Variants in CNTN4 observed in about 807,000 individuals in gnomAD.
CNTN4 encodes the protein contactin 4, also known as contactin-4.
A neutral mutation model predicts 122.5 loss-of-function variants in CNTN4; 77 were observed. That is an observed-to-expected ratio of 0.63 (90% CI 0.52 to 0.76). CNTN4 has a LOEUF of 0.76. CNTN4 is among the 30% of genes least tolerant of loss of function. The pLI, the probability that CNTN4 is intolerant of heterozygous loss-of-function variation, is 0.00. For missense variants in CNTN4, 1,256 were observed against 1,259.1 expected, an observed-to-expected ratio of 1.00 and a Z score of 0.04; for synonymous variants, 512 against 447.0, an observed-to-expected ratio of 1.15 and a Z score of -1.83.
At chr3:3,032,215 T>C (rs942923137) in intron 16 of CNTN4, among the ~76,000 whole-genome samples, 1 of 152,214 alleles carries the variant, frequency 6.6e-6, no homozygotes, top group Non-Finnish European at 1.5e-5. Context: ...TTTATTTCCA[T>C]TTGAAAATAC....
chr3:2,720,391 G>A lies in CNTN4; in HGVS notation c.56-15824G>A, dbSNP rs1241334219. Among the ~76,000 whole-genome samples the A allele has an allele frequency of 2.0e-5, 3 of 152,112 alleles. 1 individual carries two copies. Among genetic ancestry groups the A allele is most frequent in the African/African-American group, 7.2e-5 (3 of 41,424 alleles). On this transcript the variant is annotated intron_variant, in intron 4 of 24. Coordinates refer to ENST00000418658, the MANE Select transcript of CNTN4 (RefSeq NM_175607.3). ...TTATAGTCTAAACTATTCTGAGCCT[G>A]AACATTGAGCATAACTCGTTCAGAG... is the stretch of plus-strand genomic sequence containing the variant.
intron 21 of CNTN4, chr3:3,042,732 A>G (rs1436767460): frequency 3.4e-6 from 2 of 591,116 alleles, no homozygotes; most frequent in African/African-American, 1.9e-5. Context: ...ATGGGAAAAA[A>G]GAAAATAATG....
chr3:2,117,332 A>G (rs533856906), intron 2 of CNTN4, among the ~76,000 whole-genome samples: 1 of 152,346 alleles, frequency 6.6e-6, no homozygotes, highest in African/African-American at 2.4e-5. Flanking sequence ...TATTGGGGAA[A>G]GGCCCCACAC....
At chr3:2,589,147 A>G (rs577943067) in intron 4 of CNTN4, among the ~76,000 whole-genome samples, 1 of 152,326 alleles carries the variant, frequency 6.6e-6, no homozygotes, top group East Asian at 1.9e-4. Flanking sequence ...GCCCTAGAAC[A>G]GCGATGGCCT....
chr3:2,367,896 T>C (rs994010077), intron 3 of CNTN4, among the ~76,000 whole-genome samples: 1 of 152,158 alleles, frequency 6.6e-6, no homozygotes, highest in Non-Finnish European at 1.5e-5. Flanking sequence ...TGTCATTAGA[T>C]TGGCCTCAGG....
chr3:2,386,823 G>A (rs1476963926), intron 3 of CNTN4, among the ~76,000 whole-genome samples: 3 of 152,128 alleles, frequency 2.0e-5, no homozygotes, highest in Non-Finnish European at 4.4e-5. Flanking sequence ...GATAAATTGA[G>A]AAATGCAAAA....
At chr3:2,650,707 C>T (rs980747625) in intron 4 of CNTN4, among the ~76,000 whole-genome samples, 1 of 152,204 alleles carries the variant, frequency 6.6e-6, no homozygotes, top group African/African-American at 2.4e-5. Flanking sequence ...TAACAACTTG[C>T]TGAAGGCTCA....
chr3:2,600,637 T>C (rs187974349), intron 4 of CNTN4, among the ~76,000 whole-genome samples: 2,333 of 152,314 alleles, frequency 0.015, 29 homozygotes, highest in Middle Eastern at 0.051. Context: ...TCTTTGCTAT[T>C]GTGAATAGTG....
chr3:2,617,112 A>C (rs2081783771), intron 4 of CNTN4, among the ~76,000 whole-genome samples: 2 of 152,214 alleles, frequency 1.3e-5, no homozygotes, highest in South Asian at 4.1e-4. Context: ...TGCCAAAAGC[A>C]ACGGCAACAA....
chr3:2,330,008 C>T (rs768341525), intron 2 of CNTN4, among the ~76,000 whole-genome samples: 2 of 152,134 alleles, frequency 1.3e-5, no homozygotes, highest in Non-Finnish European at 2.9e-5. Context: ...ATGTTAAGAG[C>T]TCGGTCCCAC....
chr3:2,494,727 T>C (rs2076409208), intron 3 of CNTN4, among the ~76,000 whole-genome samples: 1 of 152,170 alleles, frequency 6.6e-6, no homozygotes, highest in South Asian at 2.1e-4. Flanking sequence ...GTAAAATACT[T>C]TGATTTCTTT....
chr3:2,275,938 C>A (rs73008822), intron 2 of CNTN4, among the ~76,000 whole-genome samples: 3,418 of 137,648 alleles, frequency 0.025, 152 homozygotes, highest in African/African-American at 0.088. Context: ...AAAAAAAAAA[C>A]AAAAAAAAAT....
chr3:2,830,367 CCAAACA>C (rs1439764739), intron 7 of CNTN4, among the ~76,000 whole-genome samples: 1 of 152,142 alleles, frequency 6.6e-6, no homozygotes, highest in African/African-American at 2.4e-5. Flanking sequence ...AGAGTAAGGG[CCAAACA>C]CATTAGTACC....
chr3:2,391,644 A>G (rs949621476), intron 3 of CNTN4, among the ~76,000 whole-genome samples: 1 of 152,202 alleles, frequency 6.6e-6, no homozygotes, highest in African/African-American at 2.4e-5. Context: ...GTTTATATGT[A>G]ATGCCAAGTT....
chr3:2,427,541 A>T (rs1254494776), intron 3 of CNTN4, among the ~76,000 whole-genome samples: 1 of 152,156 alleles, frequency 6.6e-6, no homozygotes, highest in East Asian at 1.9e-4. Context: ...AGAAGAATGT[A>T]TATTCTGTTG....
intron 13 of CNTN4, among the ~76,000 whole-genome samples, chr3:2,971,593 ATACAT>A (rs1692930586): frequency 6.6e-6 from 1 of 152,206 alleles, no homozygotes; most frequent in South Asian, 2.1e-4. Context: ...GTACCAATAG[ATACAT>A]TAAAGTATAT....
At chr3:2,320,973 G>A (rs1237079083) in intron 2 of CNTN4, among the ~76,000 whole-genome samples, 1 of 152,048 alleles carries the variant, frequency 6.6e-6, no homozygotes, top group Non-Finnish European at 1.5e-5. Flanking sequence ...TTTTATTTCA[G>A]TGGAAACAGC....
intron 6 of CNTN4, among the ~76,000 whole-genome samples, chr3:2,801,891 A>G (rs1422232762): frequency 6.6e-6 from 1 of 152,174 alleles, no homozygotes; most frequent in Non-Finnish European, 1.5e-5. Context: ...ACTTAATGCC[A>G]TCCATGTCTG....
intron 3 of CNTN4, among the ~76,000 whole-genome samples, chr3:2,404,584 C>T (rs1411296359): frequency 1.3e-5 from 2 of 152,138 alleles, no homozygotes; most frequent in African/African-American, 4.8e-5. Flanking sequence ...CTGTCTTCCC[C>T]TTCTGCTTTT....
Sources: gnomAD v4.1 joint callset for allele counts (sites outside exome capture counted in the v4.1 genomes callset) on GRCh38, gnomAD v4.1.1 for gene constraint, MANE v1.5 for transcripts, NCBI Gene and HGNC (gene_info 2026-07-23, HGNC 2026-07-21) for gene names.